The following PRDM5 variants were observed in gnomAD, a reference collection of about 807,000 sequenced individuals.
The protein encoded by PRDM5 is PR domain zinc finger protein 5.
A neutral mutation model predicts 81.2 loss-of-function variants in PRDM5; 56 were observed. The ratio of observed to expected loss-of-function variants is 0.69; its 90% CI spans 0.56 to 0.86. PRDM5 has a LOEUF of 0.86. Among genes scored for constraint, PRDM5 ranks in the 40% least tolerant of loss-of-function variants. The pLI is 0.00. For synonymous variants in PRDM5, 267 were observed against 256.4 expected (o/e 1.04, Z -0.39); for missense variants, 697 against 770.1 (o/e 0.91, Z 1.12).
rs148084307 is a variant in PRDM5, at chr4:120,792,056, T to C, written c.1188+6211A>G. ...CCCAAGGTATTTTGTTATAGCAGCT[T>C]AAACTGAAGACACCCACCATCTCAT... On this transcript the variant is annotated intron_variant, in intron 10 of 15. Coordinates refer to ENST00000264808, the MANE Select transcript of PRDM5 (RefSeq NM_018699.4). 1.2e-3 allele frequency among the ~76,000 whole-genome samples: 188 copies of C among 152,312 alleles called. 6 individuals are homozygous for C. In the East Asian group the frequency reaches 0.029, roughly 24 times the overall value.
At chr4:120,862,247 T>C (rs965293892) in intron 2 of PRDM5, among the ~76,000 whole-genome samples, 2 of 152,220 alleles carry the variant, frequency 1.3e-5, no homozygotes, top group Non-Finnish European at 2.9e-5. Flanking sequence ...TCTTTATTGG[T>C]TATTTTCAAA....
chr4:120,748,869 C>G (rs1226403969), intron 14 of PRDM5, among the ~76,000 whole-genome samples: 1 of 152,034 alleles, frequency 6.6e-6, no homozygotes, highest in Non-Finnish European at 1.5e-5. Flanking sequence ...TTTAGAGAAA[C>G]CATAGCAAAA....
At position 120,760,522 on chromosome 4, in the gene PRDM5, A is replaced by G. The variant is rs73845487; in HGVS notation, c.1538-5884T>C. On this transcript the variant is annotated intron_variant, in intron 13 of 15. Coordinates refer to ENST00000264808, the MANE Select transcript of PRDM5 (RefSeq NM_018699.4). ...CATAAATAATAATATTTACATATAT[A>G]CACAGAATAAAATATTTTTCATTTA... Among the ~76,000 whole-genome samples, 428 of 152,340 alleles carry G rather than the reference A, an allele frequency of 2.8e-3. 3 individuals are homozygous for G. Among genetic ancestry groups the G allele is most frequent in the African/African-American group, 9.9e-3 (412 of 41,576 alleles).
chr4:120,798,221 C>T, intron 10 of PRDM5, 46 bp downstream of exon 10: 5 of 1,386,174 alleles, frequency 3.6e-6, no homozygotes, highest in Non-Finnish European at 4.9e-6. Flanking sequence ...TTGAAAATCA[C>T]AGCAGCAAAT....
At chr4:120,806,925 G>C (rs1272354479) in intron 8 of PRDM5, among the ~76,000 whole-genome samples, 1 of 152,008 alleles carries the variant, frequency 6.6e-6, no homozygotes, top group Non-Finnish European at 1.5e-5. Context: ...CTACAGAATG[G>C]GAGAAAATTT....
chr4:120,802,605 T>A (rs1047110982), intron 8 of PRDM5, among the ~76,000 whole-genome samples: 4 of 152,134 alleles, frequency 2.6e-5, no homozygotes, highest in Admixed American at 2.6e-4. Flanking sequence ...GGGTCTGGAG[T>A]GGACCTCCAG....
intron 14 of PRDM5, among the ~76,000 whole-genome samples, chr4:120,742,849 C>A (rs1162593660): frequency 1.3e-5 from 2 of 152,102 alleles, no homozygotes; most frequent in Non-Finnish European, 2.9e-5. Flanking sequence ...AGTTGGAAAA[C>A]ACTCTGCAGG....
At chr4:120,897,107 C>T (rs1292746955) in intron 2 of PRDM5, 1 of 151,346 alleles carries the variant, frequency 6.6e-6, no homozygotes, top group Non-Finnish European at 1.5e-5. Flanking sequence ...GTGAACAATG[C>T]TGTTAGCCTT....
intron 13 of PRDM5, among the ~76,000 whole-genome samples, chr4:120,759,496 G>A (rs1185546863): frequency 6.6e-6 from 1 of 152,088 alleles, no homozygotes; most frequent in Non-Finnish European, 1.5e-5. Context: ...AACTACTAAA[G>A]TCATTTTCCT....
chr4:120,839,590 C>T, intron 3 of PRDM5, among the ~76,000 whole-genome samples: 1 of 152,192 alleles, frequency 6.6e-6, no homozygotes, highest in East Asian at 1.9e-4. Context: ...CTTTGGTTCA[C>T]AGGCAGTCAT....
At chr4:120,841,280 T>C (rs1408556185) in intron 3 of PRDM5, among the ~76,000 whole-genome samples, 2 of 152,214 alleles carry the variant, frequency 1.3e-5, no homozygotes, top group Non-Finnish European at 2.9e-5. Flanking sequence ...AAGGTAATTT[T>C]TATACCTTCT....
At chr4:120,711,829 T>G (rs1737031509) in intron 14 of PRDM5, among the ~76,000 whole-genome samples, 1 of 152,150 alleles carries the variant, frequency 6.6e-6, no homozygotes, top group South Asian at 2.1e-4. Flanking sequence ...TATCACCATC[T>G]TTTTAGCCCG....
At chr4:120,756,894 G>A (rs1357406141) in intron 13 of PRDM5, among the ~76,000 whole-genome samples, 3 of 152,116 alleles carry the variant, frequency 2.0e-5, no homozygotes, top group South Asian at 2.1e-4. Flanking sequence ...TTACACTTAC[G>A]TAAAATTATT....
At chr4:120,701,869 A>G (rs1161080920) in intron 15 of PRDM5, among the ~76,000 whole-genome samples, 4 of 152,162 alleles carry the variant, frequency 2.6e-5, no homozygotes, top group African/African-American at 9.7e-5. Flanking sequence ...TTCTTCCCAT[A>G]TTCCAATGGA....
intron 3 of PRDM5, among the ~76,000 whole-genome samples, chr4:120,822,741 T>G (rs1413726329): frequency 1.3e-5 from 2 of 152,102 alleles, no homozygotes; most frequent in East Asian, 3.9e-4. Context: ...GAAAATTTCA[T>G]GGAAGAGACA....
chr4:120,780,620 C>T (rs1280493940), intron 12 of PRDM5, among the ~76,000 whole-genome samples: 2 of 152,052 alleles, frequency 1.3e-5, no homozygotes, highest in African/African-American at 4.8e-5. Context: ...CTCCAAATCA[C>T]TATATGAACA....
At chr4:120,842,071 T>C (rs182622095) in intron 3 of PRDM5, among the ~76,000 whole-genome samples, 9 of 152,302 alleles carry the variant, frequency 5.9e-5, no homozygotes, top group Non-Finnish European at 2.9e-5. Flanking sequence ...TCTGAGTGAG[T>C]CCAGACTGAA....
At chr4:120,756,022 C>T (rs2149160056) in intron 13 of PRDM5, among the ~76,000 whole-genome samples, 1 of 152,308 alleles carries the variant, frequency 6.6e-6, no homozygotes, top group South Asian at 2.1e-4. Context: ...TTACCAACTT[C>T]TCTGAGACAA....
chr4:120,820,255 A>G (rs1005437665), intron 4 of PRDM5, among the ~76,000 whole-genome samples: 2 of 152,216 alleles, frequency 1.3e-5, no homozygotes, highest in East Asian at 1.9e-4. Context: ...ACATGAGGAC[A>G]CAGCTAGAAG....
Sources: allele counts gnomAD v4.1 joint callset (sites outside exome capture counted in the v4.1 genomes callset), GRCh38; gene constraint gnomAD v4.1.1; transcripts MANE v1.5; gene names NCBI Gene and HGNC (gene_info 2026-07-23, HGNC 2026-07-21).